The following CCSER1 variants were observed in gnomAD, a reference collection of about 807,000 sequenced individuals.
The protein encoded by CCSER1 is coiled-coil serine rich protein 1, also known as serine-rich coiled-coil domain-containing protein 1.
CCSER1 carries 41 observed loss-of-function variants against 82.0 expected under a neutral mutation model. The observed-to-expected ratio is 0.50, with a 90% confidence interval of 0.39 to 0.65. CCSER1 has a LOEUF of 0.65. Ranked by LOEUF, CCSER1 falls within the 30% of genes least tolerant of loss-of-function variation. The pLI is 0.00. For synonymous variants in CCSER1, 414 were observed against 383.9 expected (o/e 1.08, Z -0.92); for missense variants, 1,119 against 1,064.2 (o/e 1.05, Z -0.72).
At chr4:90,952,927 T>G (rs1733063649) in intron 9 of CCSER1, among the ~76,000 whole-genome samples, 1 of 152,156 alleles carries the variant, frequency 6.6e-6, no homozygotes, top group Non-Finnish European at 1.5e-5. Flanking sequence ...TGTTATAAAT[T>G]TTTCCAAGTT....
At chr4:91,069,181 AT>A (rs2148761768) in intron 9 of CCSER1, among the ~76,000 whole-genome samples, 1 of 151,886 alleles carries the variant, frequency 6.6e-6, no homozygotes, top group African/African-American at 2.4e-5. Flanking sequence ...TAAATAAAAA[AT>A]AAAAATTTTG....
At chr4:91,426,659 A>T (rs1050305333) in intron 10 of CCSER1, among the ~76,000 whole-genome samples, 2 of 152,204 alleles carry the variant, frequency 1.3e-5, no homozygotes, top group Admixed American at 6.5e-5. Flanking sequence ...AATGTGTGCA[A>T]TTTTAAGAGT....
At chr4:90,394,088 A>G (rs1355470244) in intron 3 of CCSER1, among the ~76,000 whole-genome samples, 1 of 150,270 alleles carries the variant, frequency 6.7e-6, no homozygotes, top group African/African-American at 2.4e-5. Context: ...CTGAATGGTT[A>G]CATCTTACTT....
At chr4:90,954,360 T>C (rs1733215184) in intron 9 of CCSER1, among the ~76,000 whole-genome samples, 1 of 152,058 alleles carries the variant, frequency 6.6e-6, no homozygotes, top group Non-Finnish European at 1.5e-5. Flanking sequence ...TTTTTATTTG[T>C]ATTGAATTTT....
At chr4:90,782,939 C>A (rs7340943) in intron 7 of CCSER1, among the ~76,000 whole-genome samples, 49,612 of 150,066 alleles carry the variant, frequency 0.33, 9,674 homozygotes, top group African/African-American at 0.56. Context: ...CTCGGCCTCC[C>A]GAAGTGCGTT....
At chr4:91,283,316 A>G (rs1743055520) in intron 10 of CCSER1, among the ~76,000 whole-genome samples, 1 of 151,924 alleles carries the variant, frequency 6.6e-6, no homozygotes, top group African/African-American at 2.4e-5. Context: ...TGCTTTTTCT[A>G]TGCTTTTGTT....
chr4:91,452,130 G>A (rs1406886281), intron 10 of CCSER1, among the ~76,000 whole-genome samples: 1 of 151,900 alleles, frequency 6.6e-6, no homozygotes, highest in Admixed American at 6.6e-5. Context: ...TCTATGGCAG[G>A]AGTCTCAGAA....
At chr4:90,758,301 A>C (rs1225860470) in intron 7 of CCSER1, among the ~76,000 whole-genome samples, 1 of 152,174 alleles carries the variant, frequency 6.6e-6, no homozygotes, top group Non-Finnish European at 1.5e-5. Flanking sequence ...TTGTATTAAA[A>C]ATAATAGAGA....
At chr4:91,228,466 CAT>C in intron 10 of CCSER1, among the ~76,000 whole-genome samples, 1 of 151,706 alleles carries the variant, frequency 6.6e-6, no homozygotes, top group African/African-American at 2.4e-5. Flanking sequence ...AGATTAGTTA[CAT>C]ATATCAATCT....
chr4:90,180,141 T>A lies in CCSER1; in HGVS notation c.-42+52310T>A, dbSNP rs6822102. On this transcript the variant is annotated intron_variant, in intron 1 of 10. Coordinates refer to ENST00000509176, the MANE Select transcript of CCSER1 (RefSeq NM_001145065.2). ...GTAGTTATATATATATATATATATA[T>A]AAATTATATTTTGCTTTTGTTATGT... Among the ~76,000 whole-genome samples, 822 of 139,354 alleles carry A rather than the reference T, an allele frequency of 5.9e-3. 5 individuals carry two copies. Among genetic ancestry groups the A allele is most frequent in the African/African-American group, 0.016 (645 of 39,094 alleles). 91.4% of individuals were successfully genotyped at this position (139,354 alleles called of 152,430 possible).
chr4:90,840,548 C>G (rs1762450681), intron 8 of CCSER1, among the ~76,000 whole-genome samples: 1 of 152,134 alleles, frequency 6.6e-6, no homozygotes, highest in Non-Finnish European at 1.5e-5. Flanking sequence ...GTAGACCGCC[C>G]TGCATTTCAG....
At chr4:90,545,590 A>T (rs1183906396) in intron 5 of CCSER1, among the ~76,000 whole-genome samples, 1 of 151,930 alleles carries the variant, frequency 6.6e-6, no homozygotes, top group Non-Finnish European at 1.5e-5. Context: ...CATTCCTATT[A>T]ATACACTTAT....
intron 6 of CCSER1, among the ~76,000 whole-genome samples, chr4:90,694,918 G>A (rs1200074358): frequency 2.0e-5 from 3 of 151,240 alleles, no homozygotes; most frequent in Non-Finnish European, 3.0e-5. Context: ...TTTTGAAATC[G>A]TTTAATATAC....
chr4:91,512,360 T>C (rs1369316588), intron 10 of CCSER1, among the ~76,000 whole-genome samples: 1 of 152,170 alleles, frequency 6.6e-6, no homozygotes, highest in African/African-American at 2.4e-5. Flanking sequence ...CTGGATGCTT[T>C]CTATCCTGGG....
At chr4:90,292,181 A>G (rs1215845899) in intron 1 of CCSER1, among the ~76,000 whole-genome samples, 1 of 151,876 alleles carries the variant, frequency 6.6e-6, no homozygotes, top group African/African-American at 2.4e-5. Context: ...TTTTTCTGTA[A>G]CACACTACAT....
In CCSER1 at chr4:91,484,941, G is replaced by A. The variant is rs940784651; in HGVS notation, c.2218-113631G>A. Among the ~76,000 whole-genome samples, 5 of 152,050 alleles carry A rather than the reference G, an allele frequency of 3.3e-5. No individual in the cohort carries two copies. The South Asian group carries it at 1.0e-3, about 32-fold the overall frequency. On this transcript the variant is annotated intron_variant, in intron 10 of 10. Coordinates refer to ENST00000509176, the MANE Select transcript of CCSER1 (RefSeq NM_001145065.2). Reference sequence around the variant, plus strand: ...GTAGCATTGTCATTGGAATATATTTGAATTTCTTTAGTGATTTTAGAAATT... The same window carrying A: ...GTAGCATTGTCATTGGAATATATTTAAATTTCTTTAGTGATTTTAGAAATT...
chr4:91,371,309 T>G (rs1255927102), intron 10 of CCSER1, among the ~76,000 whole-genome samples: 2 of 138,448 alleles, frequency 1.4e-5, no homozygotes, highest in African/African-American at 5.2e-5. Context: ...CCACCACCAC[T>G]CCCAACACTA....
At chr4:90,928,161 A>G (rs913839672) in intron 9 of CCSER1, among the ~76,000 whole-genome samples, 5 of 152,206 alleles carry the variant, frequency 3.3e-5, no homozygotes, top group African/African-American at 1.2e-4. Context: ...TTTACAAATT[A>G]AAAAACATTT....
At position 90,308,719 on chromosome 4, in the gene CCSER1, G is replaced by A. The variant is rs761265415; in HGVS notation, c.435G>A (p.Lys145=). The change falls in exon 2 of 11, where the codon AAG becomes AAA. Residue 145 remains lysine, a synonymous_variant. Transcript: ENST00000509176. The stretch of plus-strand genomic sequence containing the variant: ...GGGAAAAAGAGCACTCAACTAACAA[G>A]AATGTCTTTATAAATTGTCTAAGTT... The part of the protein sequence containing the change: ...FEREKEHSTN[K]NVFINCLSSG... 1.2e-5 allele frequency: 20 copies of A among 1,613,626 alleles called. No homozygotes were observed. The highest frequency in any genetic ancestry group is 8.8e-5 in the South Asian group (8 of 91,058).
Sources: allele counts gnomAD v4.1 joint callset (sites outside exome capture counted in the v4.1 genomes callset), GRCh38; gene constraint gnomAD v4.1.1; transcripts MANE v1.5; gene names NCBI Gene and HGNC (gene_info 2026-07-23, HGNC 2026-07-21).